PHKA2: variants seen among roughly 807,000 people sequenced by gnomAD.
The protein encoded by PHKA2 is phosphorylase b kinase regulatory subunit alpha, liver isoform.
PHKA2 carries 31 observed loss-of-function variants against 102.0 expected under a neutral mutation model. The observed-to-expected ratio is 0.30, with a 90% CI of 0.23 to 0.41. PHKA2 has a LOEUF of 0.41. PHKA2 is among the 10% of genes least tolerant of loss of function. The probability of loss-of-function intolerance (pLI) is 1.00; values close to 1 mark genes in which losing one functional copy is unlikely to be tolerated. For synonymous variants in PHKA2, 455 were observed against 416.2 expected (o/e 1.09, Z -1.13); for missense variants, 858 against 1,023.1 (o/e 0.84, Z 2.20).
At chrX:18,939,886 C>A in intron 9 of PHKA2, 109 bp downstream of exon 9, 1 of 640,710 alleles carries the variant, frequency 1.6e-6, no homozygotes, top group South Asian at 2.3e-5. Flanking sequence ...TAATACTTCC[C>A]TTTCCAATAT....
At chrX:18,924,032 T>C (rs746573298) in intron 17 of PHKA2, 24 bp downstream of exon 17, 1 of 1,096,447 alleles carries the variant, frequency 9.1e-7, no homozygotes, top group Non-Finnish European at 1.3e-6. Flanking sequence ...TACTCTTATA[T>C]TTTTTAAAAA....
chrX:18,919,780 C>T (rs1402786224), intron 18 of PHKA2, among the ~76,000 whole-genome samples: 1 of 108,515 alleles, frequency 9.2e-6, no homozygotes, highest in Non-Finnish European at 1.9e-5. Context: ...GAAAAAAAGT[C>T]CCCATTCCTG....
intron 1 of PHKA2, among the ~76,000 whole-genome samples, chrX:18,960,118 G>A (rs189825764): frequency 3.6e-5 from 4 of 111,790 alleles, no homozygotes; most frequent in East Asian, 2.8e-4. Context: ...AGGCCCCTAC[G>A]ACCTAGAATG....
chrX:18,966,092 G>GTT (rs754155093), intron 1 of PHKA2, among the ~76,000 whole-genome samples: 7 of 85,995 alleles, frequency 8.1e-5, no homozygotes, highest in Non-Finnish European at 6.8e-5. Context: ...TTTTTTTTTT[G>GTT]TTTTTTTTTT....
At chrX:18,948,658 A>C (rs964088678) in intron 5 of PHKA2, 86 bp downstream of exon 5, 1 of 637,825 alleles carries the variant, frequency 1.6e-6, no homozygotes. Flanking sequence ...GTGAGCCCCA[A>C]ACAGCCTGGC....
intron 3 of PHKA2, among the ~76,000 whole-genome samples, 198 bp from the exon 4 acceptor site, chrX:18,951,470 C>G (rs2048686661): frequency 9.0e-6 from 1 of 111,462 alleles, no homozygotes; most frequent in Non-Finnish European, 1.9e-5. Flanking sequence ...CTAAAATGTC[C>G]CAGCCTGGGG....
chrX:18,976,038 G>A (rs995033136), intron 1 of PHKA2, among the ~76,000 whole-genome samples: 16 of 93,617 alleles, frequency 1.7e-4, no homozygotes, highest in Non-Finnish European at 2.9e-4. Flanking sequence ...GTGGTGGCAC[G>A]ATCTCGGCTC....
chrX:18,944,139 A>C (rs1284271738), intron 6 of PHKA2, among the ~76,000 whole-genome samples: 1 of 111,006 alleles, frequency 9.0e-6, no homozygotes, highest in Non-Finnish European at 1.9e-5. Flanking sequence ...AGTGGATCAG[A>C]GCTCTCCTGT....
Position 18,908,805 on chromosome X carries a change from T to C in PHKA2, c.2356A>G (p.Ile786Val), listed in dbSNP as rs2047871072. 7 of 1,203,224 alleles carry C rather than the reference T, an allele frequency of 5.8e-6. No individual in the cohort carries two copies. Among genetic ancestry groups the C allele is most frequent in the Middle Eastern group, 2.3e-4 (1 of 4,318 alleles). The change falls in exon 21 of 33, where the codon ATA (isoleucine) becomes GTA (valine). Residue 786 changes from isoleucine to valine, a missense_variant. Ile to Val is a conservative substitution (Grantham distance 29). This residue lies in a region of PHKA2 where 671 missense variants were observed against 745.2 expected (regional missense o/e 0.90). Coordinates refer to ENST00000379942, the MANE Select transcript of PHKA2 (RefSeq NM_000292.3). Reference protein sequence around the residue: ...QADILYILYVIKGPSWDTNLS... With the variant: ...QADILYILYVVKGPSWDTNLS... ...CGAATGGACTCAGACACTTACTTTA[T>C]GACATAAAGAATGTACAGAATGTCT...
chrX:18,951,748 C>G (rs1292565649), intron 3 of PHKA2, among the ~76,000 whole-genome samples: 2 of 111,593 alleles, frequency 1.8e-5, no homozygotes, highest in East Asian at 5.6e-4. Flanking sequence ...GTATAATGTT[C>G]TGTGTGCAGT....
chrX:18,909,453 C>CAA (rs1326398230), intron 20 of PHKA2, among the ~76,000 whole-genome samples: 1 of 112,109 alleles, frequency 8.9e-6, no homozygotes, highest in African/African-American at 3.2e-5. Flanking sequence ...CTGCAGGCAG[C>CAA]AAGCCATAAG....
intron 26 of PHKA2, among the ~76,000 whole-genome samples, chrX:18,902,094 A>G (rs1219261571): frequency 1.8e-5 from 2 of 109,531 alleles, no homozygotes; most frequent in African/African-American, 3.3e-5. Context: ...GCCCACCTTG[A>G]CCTCCCAAAG....
intron 31 of PHKA2, chrX:18,894,613 C>T (rs754733880): frequency 7.6e-5 from 35 of 458,378 alleles, no homozygotes; most frequent in Admixed American, 1.3e-4. Context: ...AGCCTGTCCT[C>T]GCCTGATTTA....
chrX:18,902,212 T>C, intron 26 of PHKA2, among the ~76,000 whole-genome samples: 1 of 110,537 alleles, frequency 9.0e-6, no homozygotes, highest in East Asian at 2.9e-4. Context: ...CTTGGCTCAC[T>C]GCAACCTCTG....
At chrX:18,920,754 G>A (rs2048102724) in intron 17 of PHKA2, among the ~76,000 whole-genome samples, 1 of 112,105 alleles carries the variant, frequency 8.9e-6, no homozygotes, top group Non-Finnish European at 1.9e-5. Flanking sequence ...ACCTTAGGCT[G>A]GGCACAGTTC....
chrX:18,924,624 A>T, intron 15 of PHKA2, 99 bp from the exon 16 acceptor site: 1 of 813,502 alleles, frequency 1.2e-6, no homozygotes. Context: ...TTTTATTGCC[A>T]GGCAAGAGGC....
intron 26 of PHKA2, among the ~76,000 whole-genome samples, chrX:18,902,050 C>T (rs893489325): frequency 1.8e-5 from 2 of 111,176 alleles, no homozygotes; most frequent in Non-Finnish European, 3.8e-5. Flanking sequence ...ACCATATTGG[C>T]CAGGCTGGTC....
intron 4 of PHKA2, 91 bp from the exon 5 acceptor site, chrX:18,948,917 T>G: frequency 1.6e-6 from 1 of 611,979 alleles, no homozygotes; most frequent in Non-Finnish European, 2.8e-6. Flanking sequence ...ATAAACCCTT[T>G]TACCCTCATT....
intron 10 of PHKA2, 71 bp from the exon 11 acceptor site, chrX:18,936,221 T>C (rs2147947148): frequency 1.4e-6 from 1 of 719,154 alleles, no homozygotes; most frequent in East Asian, 3.4e-5. Context: ...CGGTGCAACA[T>C]AGAAAAAAAG....
Sources: allele counts gnomAD v4.1 joint callset (sites outside exome capture counted in the v4.1 genomes callset), GRCh38; gene constraint gnomAD v4.1.1; regional missense constraint gnomAD v4.1.1; transcripts MANE v1.5; gene names NCBI Gene and HGNC (gene_info 2026-07-23, HGNC 2026-07-21).